ABHD2: variants seen among roughly 807,000 people sequenced by gnomAD.
The protein encoded by ABHD2 is abhydrolase domain containing 2, acylglycerol lipase, also known as monoacylglycerol lipase ABHD2.
A neutral mutation model predicts 48.1 loss-of-function variants in ABHD2; 20 were observed. That is an observed-to-expected ratio of 0.42 (90% CI 0.29 to 0.60). ABHD2 has a LOEUF of 0.60. ABHD2 is among the 20% of genes least tolerant of loss of function. ABHD2 has a pLI of 0.24. For synonymous variants in ABHD2, 209 were observed against 214.2 expected (o/e 0.98, Z 0.21); for missense variants, 405 against 550.9 (o/e 0.74, Z 2.65).
At chr15:89,165,989 G>A (rs1344534725) in intron 5 of ABHD2, among the ~76,000 whole-genome samples, 2 of 152,148 alleles carry the variant, frequency 1.3e-5, no homozygotes. Flanking sequence ...AGAATAAACT[G>A]AAAACCAGAA....
At chr15:89,056,046 T>A in the ABHD2 span, among the ~76,000 whole-genome samples, 1 of 151,974 alleles carries the variant, frequency 6.6e-6, no homozygotes, top group Non-Finnish European at 1.5e-5. Context: ...AGAGACAGAG[T>A]CTGCCTATGT....
chr15:89,165,242 T>C (rs1046671395), intron 5 of ABHD2, among the ~76,000 whole-genome samples: 1 of 152,122 alleles, frequency 6.6e-6, no homozygotes, highest in African/African-American at 2.4e-5. Context: ...AAATCAGTAC[T>C]GGAAAGAGTT....
the ABHD2 span, among the ~76,000 whole-genome samples, chr15:89,050,318 G>A: frequency 6.6e-6 from 1 of 152,298 alleles, no homozygotes; most frequent in African/African-American, 2.4e-5. Flanking sequence ...TATGGAGCAG[G>A]GATGGCGGAT....
At position 89,102,127 on chromosome 15, in the gene ABHD2, C is replaced by T. The variant is rs1227323349; in HGVS notation, c.-106-11598C>T. Among the ~76,000 whole-genome samples the T allele has an allele frequency of 2.0e-5, 3 of 152,206 alleles. No individual in the cohort carries two copies. Among genetic ancestry groups the T allele is most frequent in the Non-Finnish European group, 4.4e-5 (3 of 68,036 alleles). ...TGTCCATCTGCCCATTTCCTGACCG[C>T]CCAGCATTCTTGGGCCTTGGCTCAA... On this transcript the variant is annotated intron_variant, in intron 1 of 10. Transcript: ENST00000352732. The surrounding 1 kb of genome is among the most constrained non-coding windows in gnomAD (Gnocchi z 4.8).
chr15:89,096,197 A>T (rs1383665890), intron 1 of ABHD2, among the ~76,000 whole-genome samples: 1 of 152,226 alleles, frequency 6.6e-6, no homozygotes, highest in Non-Finnish European at 1.5e-5. Flanking sequence ...GTCTGCAGGT[A>T]TTTCAGGTCT....
intron 3 of ABHD2, among the ~76,000 whole-genome samples, chr15:89,147,393 G>A (rs1333083321): frequency 2.6e-5 from 3 of 117,476 alleles, no homozygotes; most frequent in African/African-American, 3.5e-5. Flanking sequence ...TCGCTCTTTC[G>A]CCCAGGCTGG....
At position 89,177,809 on chromosome 15, in the gene ABHD2, G is replaced by A. The variant is rs1051232448; in HGVS notation, c.722+1814G>A. Among the ~76,000 whole-genome samples the A allele has an allele frequency of 6.6e-6, 1 of 152,016 alleles. No individual in the cohort carries two copies. Among genetic ancestry groups the A allele is most frequent in the Non-Finnish European group, 1.5e-5 (1 of 68,004 alleles). On this transcript the variant is annotated intron_variant, in intron 6 of 10. Transcript: ENST00000352732. The surrounding 1 kb of genome is among the most constrained non-coding windows in gnomAD (Gnocchi z 5.6). Reference sequence around the variant, plus strand: ...TGGGATAAGAAAGACATGAGCAAGGGGCCTACCCCAGGATCCAAGGGAGCA... The same window carrying A: ...TGGGATAAGAAAGACATGAGCAAGGAGCCTACCCCAGGATCCAAGGGAGCA...
rs766393733 is a variant in ABHD2, at chr15:89,155,906, C to T, written c.538+372C>T. ...CGTTCCTCAGGACTCTTGTGACTGACAGGCAAGGGTGTGATGAGGCATGTG... is the reference window on the plus strand; with the variant it reads ...CGTTCCTCAGGACTCTTGTGACTGATAGGCAAGGGTGTGATGAGGCATGTG... On this transcript the variant is annotated intron_variant, in intron 5 of 10. Transcript: ENST00000352732. This position sits in a 1 kb window ranked among gnomAD's most constrained non-coding sequence, Gnocchi z 4.9. Among the ~76,000 whole-genome samples the T allele has an allele frequency of 6.6e-6, 1 of 152,132 alleles. No homozygotes were observed. Among genetic ancestry groups the T allele is most frequent in the African/African-American group, 2.4e-5 (1 of 41,416 alleles).
chr15:89,145,433 G>A (rs2050474661), intron 3 of ABHD2, among the ~76,000 whole-genome samples: 1 of 152,160 alleles, frequency 6.6e-6, no homozygotes, highest in African/African-American at 2.4e-5. Context: ...ATACATTTGA[G>A]AAGTATGTGA....
the ABHD2 span, among the ~76,000 whole-genome samples, chr15:89,063,534 GCACACACACACAGA>G: frequency 4.6e-5 from 7 of 150,598 alleles, no homozygotes; most frequent in Non-Finnish European, 5.9e-5. Flanking sequence ...TCTCACACAT[GCACACACACACAGA>G]CACACACACA....
In ABHD2 at chr15:89,186,929, C is replaced by T. The variant is rs1567111143; in HGVS notation, c.816-1264C>T. On this transcript the variant is annotated intron_variant, in intron 7 of 10. Coordinates refer to ENST00000352732, the MANE Select transcript of ABHD2 (RefSeq NM_152924.5). This position sits in a 1 kb window ranked among gnomAD's most constrained non-coding sequence, Gnocchi z 4.3. ...CACGTTGCCAAACATGTCCTTGTGT[C>T]CTCGTGTCTGGAAGGAGAGCAGAGG... is the stretch of plus-strand genomic sequence containing the variant. Among the ~76,000 whole-genome samples, 1 of 152,226 alleles carries T rather than the reference C, an allele frequency of 6.6e-6. No individual in the cohort carries two copies. The highest frequency in any genetic ancestry group is 2.4e-5 in the African/African-American group (1 of 41,458).
At chr15:89,086,617 G>A (rs533297323), upstream of ABHD2, among the ~76,000 whole-genome samples, 5 of 152,170 alleles carry the variant, frequency 3.3e-5, no homozygotes, top group Non-Finnish European at 7.3e-5. Flanking sequence ...GTCTCACTAT[G>A]TTGCCCAGGT....
chr15:89,078,340 G>T, the ABHD2 span, among the ~76,000 whole-genome samples: 1 of 152,066 alleles, frequency 6.6e-6, no homozygotes, highest in African/African-American at 2.4e-5. Context: ...TCATGATAGG[G>T]CATATAACTG....
chr15:89,099,739 G>C lies in ABHD2; in HGVS notation c.-107+11176G>C, dbSNP rs139763206. Among the ~76,000 whole-genome samples, 417 of 151,882 alleles carry C rather than the reference G, an allele frequency of 2.7e-3. 2 individuals carry two copies. Among genetic ancestry groups the C allele is most frequent in the Non-Finnish European group, 3.7e-3 (251 of 67,964 alleles). On this transcript the variant is annotated intron_variant, in intron 1 of 10. Coordinates refer to ENST00000352732, the MANE Select transcript of ABHD2 (RefSeq NM_152924.5). ...GTTCAAGACCATCCTGGCCAACATG[G>C]TGAAAAATATAAAACTAAGCTGGGC...
chr15:89,108,123 C>G (rs2049816288), intron 1 of ABHD2, among the ~76,000 whole-genome samples: 2 of 152,200 alleles, frequency 1.3e-5, no homozygotes, highest in Admixed American at 6.5e-5. Flanking sequence ...GCAAACGGTC[C>G]CTTCAGCCAC....
rs553453996 is a variant in ABHD2 at position 89,174,716 on chromosome 15, G to A, written c.539-1096G>A. 2.0e-5 allele frequency among the ~76,000 whole-genome samples: 3 copies of A among 152,216 alleles called. No individual in the cohort carries two copies. The highest frequency in any genetic ancestry group is 2.1e-4 in the South Asian group (1 of 4,826). ...GTCTATTTTGTATGTGCTTTGCGTC[G>A]ACATCCCTATCTTTCCATGTTAGAT... On this transcript the variant is annotated intron_variant, in intron 5 of 10. Coordinates refer to ENST00000352732, the MANE Select transcript of ABHD2 (RefSeq NM_152924.5). This position sits in a 1 kb window ranked among gnomAD's most constrained non-coding sequence, Gnocchi z 4.1.
At chr15:89,095,105 T>C (rs1161832205) in intron 1 of ABHD2, among the ~76,000 whole-genome samples, 4 of 144,252 alleles carry the variant, frequency 2.8e-5, no homozygotes, top group Non-Finnish European at 4.6e-5. Flanking sequence ...GCACCAAAAA[T>C]GTTGGAAGAT....
chr15:89,103,466 CA>C (rs1024135508), intron 1 of ABHD2, among the ~76,000 whole-genome samples: 1 of 152,044 alleles, frequency 6.6e-6, no homozygotes, highest in Non-Finnish European at 1.5e-5. Flanking sequence ...ATAATTCACC[CA>C]AGGTCACTTG....
the ABHD2 span, among the ~76,000 whole-genome samples, chr15:89,063,250 G>A: frequency 6.6e-5 from 10 of 152,230 alleles, no homozygotes; most frequent in South Asian, 1.7e-3. Flanking sequence ...TTACAGGTGT[G>A]AGCCACTACG....
Sources: allele counts gnomAD v4.1 joint callset (sites outside exome capture counted in the v4.1 genomes callset), GRCh38; gene constraint gnomAD v4.1.1; non-coding constraint Gnocchi (gnomAD v3.1); transcripts MANE v1.5; gene names NCBI Gene and HGNC (gene_info 2026-07-23, HGNC 2026-07-21).